The following ATAD2B variants were observed in gnomAD, a reference collection of about 807,000 sequenced individuals.
ATAD2B encodes the protein ATPase family AAA domain containing 2B.
Under a neutral mutation model 167.6 loss-of-function variants are expected in ATAD2B, and 40 were observed. That is an observed-to-expected ratio of 0.24 (90% CI 0.19 to 0.31). ATAD2B has a LOEUF of 0.31. Ranked by LOEUF, ATAD2B falls within the 10% of genes least tolerant of loss-of-function variation. The pLI is 1.00. For synonymous variants in ATAD2B, 579 were observed against 596.5 expected, an observed-to-expected ratio of 0.97 and a Z score of 0.43; for missense variants, 1,242 against 1,757.2, an observed-to-expected ratio of 0.71 and a Z score of 5.24.
chr2:23,727,595 C>CA, the ATAD2B span, among the ~76,000 whole-genome samples: 10 of 151,794 alleles, frequency 6.6e-5, no homozygotes, highest in East Asian at 3.9e-4. Context: ...AACATGCCCA[C>CA]AAAAAAAACC....
At chr2:23,798,506 A>AAAAAAAAAAAGTATGTTTTGCCCTATC (rs1477648692) in intron 18 of ATAD2B, among the ~76,000 whole-genome samples, 183 bp from the exon 19 acceptor site, 3 of 151,506 alleles carry the variant, frequency 2.0e-5, no homozygotes, top group Non-Finnish European at 2.9e-5. Context: ...GCCCCACCAA[A>AAAAAAAAAAAGTATGTTTTGCCCTATC]AAAAAAAAAA....
At chr2:23,922,427 A>G (rs1347879787) in intron 1 of ATAD2B, among the ~76,000 whole-genome samples, 1 of 152,114 alleles carries the variant, frequency 6.6e-6, no homozygotes, top group Non-Finnish European at 1.5e-5. Context: ...ACTGCATAGC[A>G]CTAAAAAACA....
intron 8 of ATAD2B, among the ~76,000 whole-genome samples, chr2:23,870,864 A>G (rs1695859155): frequency 6.6e-6 from 1 of 152,102 alleles, no homozygotes; most frequent in African/African-American, 2.4e-5. Flanking sequence ...CAGAACTACT[A>G]TGGAGAGATT....
chr2:23,723,589 C>T, the ATAD2B span, among the ~76,000 whole-genome samples: 1 of 152,042 alleles, frequency 6.6e-6, no homozygotes, highest in Non-Finnish European at 1.5e-5. Flanking sequence ...TGCTCAACAT[C>T]CCTAATCCTC....
intron 18 of ATAD2B, among the ~76,000 whole-genome samples, chr2:23,801,139 C>T (rs1683429321): frequency 1.3e-5 from 2 of 151,668 alleles, no homozygotes; most frequent in Non-Finnish European, 2.9e-5. Context: ...GATTTATAAC[C>T]AGTCTGTTCT....
intron 18 of ATAD2B, among the ~76,000 whole-genome samples, chr2:23,803,513 G>A (rs1683848579): frequency 6.6e-6 from 1 of 152,198 alleles, no homozygotes; most frequent in Non-Finnish European, 1.5e-5. Flanking sequence ...CAATCTATGG[G>A]TGTGGAGCCA....
chr2:23,778,390 T>C (rs529523833), intron 22 of ATAD2B, among the ~76,000 whole-genome samples: 29 of 152,340 alleles, frequency 1.9e-4, no homozygotes, highest in African/African-American at 6.3e-4. Context: ...AACTGGCTTT[T>C]TCTAAGCACT....
rs539492591 is a variant in ATAD2B at position 23,795,447 on chromosome 2, A to T, written c.2640+2691T>A. 2.7e-4 allele frequency among the ~76,000 whole-genome samples: 41 copies of T among 152,108 alleles called. No individual in the cohort carries two copies. The South Asian group carries it at 4.6e-3, about 17-fold the overall frequency. On this transcript the variant is annotated intron_variant, in intron 19 of 27. Coordinates refer to ENST00000238789, the MANE Select transcript of ATAD2B (RefSeq NM_017552.4). ...ATTGGTTTTGTACTGCCCACTCTCTACTTCATTTCTTCCATAGATCTGGCA... is the reference window on the plus strand; with the variant it reads ...ATTGGTTTTGTACTGCCCACTCTCTTCTTCATTTCTTCCATAGATCTGGCA...
downstream of ATAD2B, among the ~76,000 whole-genome samples, chr2:23,747,839 T>C (rs1049918126): frequency 2.6e-5 from 4 of 152,068 alleles, no homozygotes; most frequent in African/African-American, 9.7e-5. Context: ...GGTACAGGGA[T>C]AACATGAAAT....
chr2:23,749,786 CT>C lies in ATAD2B; in HGVS notation c.*2259del, dbSNP rs1675158063. The C allele has an allele frequency of 6.6e-6, 1 of 152,184 alleles. No individual in the cohort carries two copies. The highest frequency in any genetic ancestry group is 1.5e-5 in the Non-Finnish European group (1 of 67,978). The allele number at this position is 152,184 out of a possible 1,614,324, so 9.4% of individuals were successfully genotyped here. On this transcript the variant is annotated 3_prime_UTR_variant, in exon 28 of 28. Coordinates refer to ENST00000238789, the MANE Select transcript of ATAD2B (RefSeq NM_017552.4). The stretch of plus-strand genomic sequence containing the variant: ...TAATGCTGAAAATAAATACATTTCC[CT>C]TTTCAAACTCACTGATGGCTAAAAT...
chr2:23,824,946 T>G (rs149373145), intron 15 of ATAD2B, among the ~76,000 whole-genome samples: 26 of 152,150 alleles, frequency 1.7e-4, no homozygotes, highest in African/African-American at 5.8e-4. Flanking sequence ...CAGGTTTATT[T>G]TTATTTTATT....
At chr2:23,879,559 T>C (rs1697546116) in intron 7 of ATAD2B, among the ~76,000 whole-genome samples, 1 of 152,308 alleles carries the variant, frequency 6.6e-6, no homozygotes, top group East Asian at 1.9e-4. Flanking sequence ...GTGTATTATA[T>C]TTGTGCTTCT....
chr2:23,833,194 ATCAC>A (rs759174495), intron 14 of ATAD2B, among the ~76,000 whole-genome samples: 4 of 152,168 alleles, frequency 2.6e-5, no homozygotes, highest in Non-Finnish European at 4.4e-5. Context: ...TACAGTCCGA[ATCAC>A]TTAAGACTTT....
intron 22 of ATAD2B, among the ~76,000 whole-genome samples, chr2:23,777,368 A>ATATCTATATCTT (rs1553380306): frequency 1.3e-5 from 2 of 151,798 alleles, no homozygotes; most frequent in Non-Finnish European, 2.9e-5. Flanking sequence ...ATCTATATCT[A>ATATCTATATCTT]TATCTATATC....
chr2:23,830,645 T>C (rs1688902536), intron 14 of ATAD2B, among the ~76,000 whole-genome samples: 1 of 152,162 alleles, frequency 6.6e-6, no homozygotes, highest in Non-Finnish European at 1.5e-5. Flanking sequence ...GGCATTCAGC[T>C]ATGAAAGTTA....
chr2:23,915,720 T>C (rs1014155111), intron 1 of ATAD2B, among the ~76,000 whole-genome samples: 6 of 145,292 alleles, frequency 4.1e-5, no homozygotes, highest in Non-Finnish European at 7.5e-5. Context: ...GCCTCCCAAA[T>C]AGCTGGGATT....
At chr2:23,736,573 T>C in the ATAD2B span, among the ~76,000 whole-genome samples, 24 of 152,184 alleles carry the variant, frequency 1.6e-4, no homozygotes, top group Admixed American at 5.9e-4. Flanking sequence ...CAAGAGAAGA[T>C]GGCCAAATAA....
At chr2:23,759,064 TG>T (rs1676309262) in intron 24 of ATAD2B, among the ~76,000 whole-genome samples, 1 of 152,204 alleles carries the variant, frequency 6.6e-6, no homozygotes, top group South Asian at 2.1e-4. Flanking sequence ...TTGGGACACT[TG>T]CATAATACAG....
At chr2:23,903,831 T>G (rs1305113127) in intron 1 of ATAD2B, among the ~76,000 whole-genome samples, 1 of 151,772 alleles carries the variant, frequency 6.6e-6, no homozygotes, top group African/African-American at 2.4e-5. Flanking sequence ...ATTGGGAAAA[T>G]CAGAAAGAAG....
Sources: gnomAD v4.1 joint callset for allele counts (sites outside exome capture counted in the v4.1 genomes callset) on GRCh38, gnomAD v4.1.1 for gene constraint, MANE v1.5 for transcripts, NCBI Gene and HGNC (gene_info 2026-07-23, HGNC 2026-07-21) for gene names.